TLN1: variants seen among roughly 807,000 people sequenced by gnomAD.
TLN1 encodes talin 1.
A neutral mutation model predicts 292.3 loss-of-function variants in TLN1; 56 were observed. The observed-to-expected ratio is 0.19, with a 90% confidence interval of 0.15 to 0.24. The LOEUF is 0.24. Ranked by LOEUF, TLN1 falls within the 10% of genes least tolerant of loss-of-function variation. TLN1 has a pLI of 1.00. For missense variants in TLN1, 2,433 were observed against 3,248.2 expected, an observed-to-expected ratio of 0.75 and a Z score of 6.10; for synonymous variants, 1,119 against 1,253.7, an observed-to-expected ratio of 0.89 and a Z score of 2.27.
At position 35,724,246 on chromosome 9, in the gene TLN1, T is replaced by C; in HGVS notation, c.600A>G (p.Ser200=). 2 of 1,614,184 alleles carry C rather than the reference T, an allele frequency of 1.2e-6. No homozygotes were observed. Among genetic ancestry groups the C allele is most frequent in the Non-Finnish European group, 1.7e-6 (2 of 1,180,028 alleles). Residue 200 remains serine, a synonymous_variant, in exon 6 of 57, where the codon TCA becomes TCG. Transcript: ENST00000314888. The surrounding 1 kb of genome is among the most constrained non-coding windows in gnomAD (Gnocchi z 4.7). The part of the protein sequence containing the change: ...TLLLRRKFFY[S]DQNVDSRDPV... The stretch of plus-strand genomic sequence containing the variant: ...GGTCCCGGGAATCCACATTCTGGTC[T>C]GAGTAAAAGAACTTCCTCCGCAGCA...
rs773865793 is a variant in TLN1 at position 35,712,982 on chromosome 9, G to A, written c.3414C>T (p.Val1138=). 1.9e-5 allele frequency: 31 copies of A among 1,609,682 alleles called. No individual in the cohort carries two copies. Among genetic ancestry groups the A allele is most frequent in the African/African-American group, 2.7e-5 (2 of 74,830 alleles). The change falls in exon 27 of 57, where the codon GTC becomes GTT. Residue 1138 remains valine (V), a synonymous_variant. Transcript: ENST00000314888. ...CTGCAGGATCTGACGTCAGTGCAGC[G>A]ACTCCCCTAGCGGCCTGGGCCAGTG... ...LRSLAQAARG[V]AALTSDPAVQ...
Position 35,706,995 on chromosome 9 carries a change from A to G in TLN1, c.4955+77T>C, listed in dbSNP as rs2131887126. 1.2e-6 allele frequency: 2 copies of G among 1,607,432 alleles called. No homozygotes were observed. The highest frequency in any genetic ancestry group is 1.7e-6 in the Non-Finnish European group (2 of 1,177,828). ...TATCCTCCCAACACCATCCCATCTC[A>G]TTGCACTCAAGTGCCCATCCTCCAT... On this transcript the variant is annotated intron_variant, in intron 37 of 56. Transcript: ENST00000314888. The surrounding 1 kb of genome is among the most constrained non-coding windows in gnomAD (Gnocchi z 4.2).
Position 35,716,425 on chromosome 9 carries a change from C to G in TLN1, c.2590G>C (p.Ala864Pro). ...TCTACCATCTTGGCTGTGGCATCAG[C>G]TAGGATCTTGGCAGCACTTAAGAGC... ...RKLLSAAKIL[A>P]DATAKMVEAA... The change falls in exon 20 of 57, where the codon GCT (alanine) becomes CCT (proline). Residue 864 changes from alanine to proline, a missense_variant. Transcript: ENST00000314888. 1 of 1,614,210 alleles carries G rather than the reference C, an allele frequency of 6.2e-7. No individual in the cohort carries two copies. Among genetic ancestry groups the G allele is most frequent in the Non-Finnish European group, 8.5e-7 (1 of 1,180,044 alleles).
Position 35,725,262 on chromosome 9 carries a change from C to A in TLN1, c.190G>T (p.Ala64Ser), listed in dbSNP as rs761646598. ...ATGTAGTAGTCCAAAGCTTTCCCAG[C>A]CTCCAGCCATATACCCTTTTTGGGG... ...DDPKKGIWLE[A>S]GKALDYYMLR... is the part of the protein sequence containing the mutation. Residue 64 changes from alanine (A) to serine (S), a missense_variant, in exon 3 of 57, where the codon GCT (alanine) becomes TCT (serine). This residue lies in a region of TLN1 where 155 missense variants were observed against 287.9 expected (regional missense o/e 0.54). Transcript: ENST00000314888. 12 of 1,614,170 alleles carry A rather than the reference C, an allele frequency of 7.4e-6. No homozygotes were observed. Among genetic ancestry groups the A allele is most frequent in the Admixed American group, 3.3e-5 (2 of 60,026 alleles).
Position 35,700,272 on chromosome 9 carries a change from G to A in TLN1, c.6579C>T (p.Gly2193=), listed in dbSNP as rs1352808550. 1.9e-6 allele frequency: 3 copies of A among 1,613,682 alleles called. No homozygotes were observed. The highest frequency in any genetic ancestry group is 2.5e-6 in the Non-Finnish European group (3 of 1,179,616). The change falls in exon 49 of 57, where the codon GGC becomes GGT. Residue 2193 remains glycine, a synonymous_variant. Coordinates refer to ENST00000314888, the MANE Select transcript of TLN1 (RefSeq NM_006289.4). ...TGACATCTTCCTGGCGACAGGAATT[G>A]CCAGCAGCAACGGCCTTGGCGGTTG... The part of the protein sequence containing the change: ...TMATAKAVAA[G]NSCRQEDVIA...
In TLN1 at chr9:35,714,819, C is replaced by A; in HGVS notation, c.2812G>T (p.Ala938Ser). 1.9e-6 allele frequency: 3 copies of A among 1,573,882 alleles called. No individual in the cohort carries two copies. The highest frequency in any genetic ancestry group is 2.6e-6 in the Non-Finnish European group (3 of 1,160,372). ...ATQTIAAAQH[A>S]ASTPKASAGP... is the part of the protein sequence containing the mutation. ...GCAGAGGCCTTGGGGGTAGAGGCTG[C>A]GTGCTGAGCTGCAGCGATGGTCTGT... The change falls in exon 22 of 57, where the codon GCA (alanine) becomes TCA (serine). Residue 938 changes from alanine (A) to serine (S), a missense_variant. Around this residue, in one of 7 missense-constraint regions of TLN1, gnomAD observed 617 missense variants for 770.6 expected, o/e 0.80. Transcript: ENST00000314888. The surrounding 1 kb of genome is among the most constrained non-coding windows in gnomAD (Gnocchi z 4.6).
intron 48 of TLN1, among the ~76,000 whole-genome samples, chr9:35,701,459 G>A (rs1261381216): frequency 1.3e-5 from 2 of 152,154 alleles, no homozygotes; most frequent in Non-Finnish European, 2.9e-5. Flanking sequence ...ATTTTTTGTA[G>A]AGACAGGATC....
Position 35,717,134 on chromosome 9 carries a change from T to C in TLN1, c.2458+12A>G, listed in dbSNP as rs182992478. On this transcript the variant is annotated intron_variant, in intron 19 of 56. Coordinates refer to ENST00000314888, the MANE Select transcript of TLN1 (RefSeq NM_006289.4). The surrounding 1 kb of genome is among the most constrained non-coding windows in gnomAD (Gnocchi z 4.7). Reference sequence around the variant, plus strand: ...GTAGGGTTTTTTGTTTTCCTGGGGGTGCGTGTCTTACCAGCATCACCCATG... The same window carrying C: ...GTAGGGTTTTTTGTTTTCCTGGGGGCGCGTGTCTTACCAGCATCACCCATG... 6.0e-4 allele frequency: 956 copies of C among 1,584,390 alleles called. No individual in the cohort carries two copies. Among genetic ancestry groups the C allele is most frequent in the Non-Finnish European group, 7.1e-4 (818 of 1,159,058 alleles).
chr9:35,700,452 G>C (rs1825445909), intron 48 of TLN1, 76 bp from the exon 49 acceptor site: 3 of 1,447,284 alleles, frequency 2.1e-6, no homozygotes, highest in Non-Finnish European at 2.8e-6. Context: ...GTGTGCATGT[G>C]ATTTGGTGCA....
chr9:35,725,427 G>A, intron 2 of TLN1, 106 bp from the exon 3 acceptor site: 1 of 1,533,462 alleles, frequency 6.5e-7, no homozygotes, highest in Non-Finnish European at 8.9e-7. Context: ...TGGGCCTAAA[G>A]AACGAGGGAA....
Position 35,724,071 on chromosome 9 carries a change from A to C in TLN1, c.663T>G (p.Asp221Glu). ...QLNLLYVQAR[D>E]DILNGSHPVS... ...CAGGGTGGGAGCCATTCAGGATGTC[A>C]TCTCGTGCCTGGAGAGCACAGGGCA... Residue 221 changes from aspartate (D) to glutamate (E), a missense_variant, in exon 7 of 57, where the codon GAT becomes GAG. By Grantham distance (45) the Asp-to-Glu change is conservative. Coordinates refer to ENST00000314888, the MANE Select transcript of TLN1 (RefSeq NM_006289.4). The surrounding 1 kb of genome is among the most constrained non-coding windows in gnomAD (Gnocchi z 4.7). 6.2e-7 allele frequency: 1 copy of C among 1,613,748 alleles called. No homozygotes were observed. Among genetic ancestry groups the C allele is most frequent in the Non-Finnish European group, 8.5e-7 (1 of 1,179,734 alleles).
chr9:35,706,416 C>T lies in TLN1; in HGVS notation c.5190+34G>A. ...GTCAGGTCCCCTCTCTCTCACCCTA[C>T]TCCCTGGGACTTCCCATGAGTCTCC... On this transcript the variant is annotated intron_variant, in intron 39 of 56. Coordinates refer to ENST00000314888, the MANE Select transcript of TLN1 (RefSeq NM_006289.4). This position sits in a 1 kb window ranked among gnomAD's most constrained non-coding sequence, Gnocchi z 4.2. 5 of 1,613,800 alleles carry T rather than the reference C, an allele frequency of 3.1e-6. No homozygotes were observed. Among genetic ancestry groups the T allele is most frequent in the South Asian group, 1.1e-5 (1 of 91,050 alleles).
In TLN1 at chr9:35,724,555, T is replaced by C. The variant is rs1470649623; in HGVS notation, c.511+17A>G. 1.7e-5 allele frequency: 27 copies of C among 1,603,046 alleles called. No individual in the cohort carries two copies. The highest frequency in any genetic ancestry group is 1.9e-5 in the Non-Finnish European group (22 of 1,174,842). On this transcript the variant is annotated intron_variant, in intron 5 of 56. Coordinates refer to ENST00000314888, the MANE Select transcript of TLN1 (RefSeq NM_006289.4). This position sits in a 1 kb window ranked among gnomAD's most constrained non-coding sequence, Gnocchi z 4.7. ...CCTTCCCATTTCAAAAGCCCTCTTT[T>C]TTCTAGTTCTGCTTACACTCATCAT...
rs1825815084 is a variant in TLN1, at chr9:35,717,981, A to G, written c.1996-195T>C. ...AACCCCCACCGAGGAACAAACCCAC[A>G]CCAAGAGAAAATACAGCCTACACCA... is the stretch of plus-strand genomic sequence containing the variant. On this transcript the variant is annotated intron_variant, in intron 17 of 56. Transcript: ENST00000314888. The surrounding 1 kb of genome is among the most constrained non-coding windows in gnomAD (Gnocchi z 4.7). 6.6e-6 allele frequency among the ~76,000 whole-genome samples: 1 copy of G among 152,128 alleles called. No individual in the cohort carries two copies. The highest frequency in any genetic ancestry group is 2.1e-4 in the South Asian group (1 of 4,832).
chr9:35,716,307 C>T (rs1825782276), intron 20 of TLN1, 83 bp downstream of exon 20: 12 of 1,508,514 alleles, frequency 8.0e-6, no homozygotes, highest in Non-Finnish European at 1.1e-5. Context: ...CCTGGGTCTC[C>T]CTCATCAGAT....
rs1032016068 is a variant in TLN1 at position 35,697,602 on chromosome 9, T to C, written c.*189A>G. 5.4e-6 allele frequency: 4 copies of C among 735,036 alleles called. No homozygotes were observed. Among genetic ancestry groups the C allele is most frequent in the African/African-American group, 2.1e-5 (1 of 47,458 alleles). The allele number at this position is 735,036 out of a possible 1,614,324, so 45.5% of individuals were successfully genotyped here. On this transcript the variant is annotated 3_prime_UTR_variant, in exon 57 of 57. Transcript: ENST00000314888. ...CAGGCACTTGGGGGGCCCTAGGGCA[T>C]GAAGGCACTTGGGGTTGGGGAGGGG... is the stretch of plus-strand genomic sequence containing the variant.
At chr9:35,722,994 T>C (rs1379965455) in intron 7 of TLN1, 73 bp from the exon 8 acceptor site, 4 of 1,367,694 alleles carry the variant, frequency 2.9e-6, no homozygotes, top group East Asian at 2.3e-5. Context: ...ACTGTGGGCC[T>C]GGGGGTATGA....
Position 35,713,341 on chromosome 9 carries a change from G to A in TLN1, c.3250-43C>T, listed in dbSNP as rs762781042. 1.9e-5 allele frequency: 28 copies of A among 1,502,650 alleles called. No individual in the cohort carries two copies. The Admixed American group carries it at 4.8e-4, about 26-fold the overall frequency. The allele number at this position is 1,502,650 out of a possible 1,614,324, so 93.1% of individuals were successfully genotyped here. A position where few individuals can be genotyped will look rare whatever the true frequency, so the allele number is the denominator to read the frequency against. On this transcript the variant is annotated intron_variant, in intron 25 of 56. Transcript: ENST00000314888. ...AGAATTGGGCTTGAGAAAGGAGAAGGTGAGGAGAAGGAACCTGAGAAGGTA... is the reference window on the plus strand; with the variant it reads ...AGAATTGGGCTTGAGAAAGGAGAAGATGAGGAGAAGGAACCTGAGAAGGTA...
chr9:35,715,824 A>C (rs560386600), intron 20 of TLN1, among the ~76,000 whole-genome samples: 1 of 152,210 alleles, frequency 6.6e-6, no homozygotes, highest in Non-Finnish European at 1.5e-5. Flanking sequence ...ATTAAAGGAC[A>C]CAAAATTATA....
Sources: gnomAD v4.1 joint callset for allele counts (sites outside exome capture counted in the v4.1 genomes callset) on GRCh38, gnomAD v4.1.1 for gene constraint, gnomAD v4.1.1 regional missense constraint, Gnocchi (gnomAD v3.1) non-coding constraint, MANE v1.5 for transcripts, NCBI Gene and HGNC (gene_info 2026-07-23, HGNC 2026-07-21) for gene names.